Variants in OTUD7A observed in about 807,000 individuals in gnomAD.
OTUD7A encodes OTU deubiquitinase 7A.
A neutral mutation model predicts 65.7 loss-of-function variants in OTUD7A; 12 were observed. That is an observed-to-expected ratio of 0.18 (90% CI 0.12 to 0.30). The LOEUF (loss-of-function observed/expected upper bound fraction) is 0.30, where lower values mean the gene tolerates loss of function less well. Among genes scored for constraint, OTUD7A ranks in the 10% least tolerant of loss-of-function variants. The pLI is 1.00. For missense variants in OTUD7A, 1,148 were observed against 1,304.8 expected (o/e 0.88, Z 1.85); for synonymous variants, 641 against 586.3 (o/e 1.09, Z -1.35).
At chr15:31,644,946 C>A (rs1891618024) in intron 3 of OTUD7A, among the ~76,000 whole-genome samples, 1 of 152,192 alleles carries the variant, frequency 6.6e-6, no homozygotes, top group African/African-American at 2.4e-5. Context: ...GTGGTTCTCT[C>A]CCCAGCTGCA....
chr15:31,811,001 T>G (rs1261885633), intron 1 of OTUD7A, among the ~76,000 whole-genome samples: 3 of 151,984 alleles, frequency 2.0e-5, no homozygotes, highest in African/African-American at 4.8e-5. Context: ...TGTGAAGGAG[T>G]GTGCCTTGCA....
At chr15:31,848,353 G>A (rs375407094) in intron 1 of OTUD7A, among the ~76,000 whole-genome samples, 16 of 152,236 alleles carry the variant, frequency 1.1e-4, no homozygotes, top group South Asian at 4.1e-4. Flanking sequence ...TGAGGGGGAC[G>A]TGCAGACCAG....
intron 1 of OTUD7A, among the ~76,000 whole-genome samples, chr15:31,728,989 G>T (rs997398906): frequency 3.3e-5 from 5 of 152,158 alleles, no homozygotes; most frequent in Non-Finnish European, 4.4e-5. Flanking sequence ...GTCAACCAGG[G>T]TCTGAAAATA....
chr15:31,595,441 G>C (rs917476030), intron 3 of OTUD7A, among the ~76,000 whole-genome samples: 4 of 152,222 alleles, frequency 2.6e-5, no homozygotes, highest in Non-Finnish European at 1.5e-5. Flanking sequence ...ATGGTAGAAT[G>C]AATGCCCAGA....
Position 31,777,229 on chromosome 15 carries a change from C to G in OTUD7A, c.-100+93278G>C, listed in dbSNP as rs138089599. 1.3e-4 allele frequency among the ~76,000 whole-genome samples: 20 copies of G among 152,266 alleles called. No individual in the cohort carries two copies. The East Asian group carries it at 3.7e-3, about 28-fold the overall frequency. On this transcript the variant is annotated intron_variant, in intron 1 of 12. Transcript: ENST00000307050. ...GACAGCCTTTTGGCAAGGGGTCTCT[C>G]TCAGGCCTCTCTTACAAGGGCGCTA...
chr15:31,544,088 T>G (rs1473464079), intron 5 of OTUD7A, among the ~76,000 whole-genome samples: 2 of 151,766 alleles, frequency 1.3e-5, no homozygotes, highest in African/African-American at 4.8e-5. Context: ...CTAAAAATAT[T>G]TAGTAGTTTT....
At chr15:31,847,577 C>T (rs1403916241) in intron 1 of OTUD7A, among the ~76,000 whole-genome samples, 4 of 152,118 alleles carry the variant, frequency 2.6e-5, no homozygotes, top group Non-Finnish European at 4.4e-5. Flanking sequence ...TAAGGGTTTG[C>T]AACACAGGGA....
At chr15:31,735,491 G>A (rs940999936) in intron 1 of OTUD7A, among the ~76,000 whole-genome samples, 3 of 149,296 alleles carry the variant, frequency 2.0e-5, no homozygotes, top group African/African-American at 4.9e-5. Flanking sequence ...TTGAGATTGC[G>A]CCACTGTACT....
Position 31,850,226 on chromosome 15 carries a change from A to G in OTUD7A, c.-100+20281T>C, listed in dbSNP as rs570640732. The stretch of plus-strand genomic sequence containing the variant: ...ACATATACATCATGGAATACTATGC[A>G]GCCATAAAAAAGGATGAGTTCATGT... On this transcript the variant is annotated intron_variant, in intron 1 of 12. Transcript: ENST00000307050. Among the ~76,000 whole-genome samples, 231 of 152,364 alleles carry G rather than the reference A, an allele frequency of 1.5e-3. 1 individual carries two copies. Among genetic ancestry groups the G allele is most frequent in the Middle Eastern group, 6.8e-3 (2 of 294 alleles).
At chr15:31,870,145 T>A (rs943977093) in intron 1 of OTUD7A, among the ~76,000 whole-genome samples, 1 of 149,608 alleles carries the variant, frequency 6.7e-6, no homozygotes, top group Non-Finnish European at 1.5e-5. Flanking sequence ...GCCCCACGCC[T>A]GGCATCACGT....
chr15:31,543,252 T>C (rs949749870), intron 5 of OTUD7A, among the ~76,000 whole-genome samples: 1 of 151,926 alleles, frequency 6.6e-6, no homozygotes, highest in Non-Finnish European at 1.5e-5. Flanking sequence ...ATGTGATTCA[T>C]ACGCATATTT....
chr15:31,589,515 C>T (rs890193403), intron 3 of OTUD7A, among the ~76,000 whole-genome samples: 1 of 143,108 alleles, frequency 7.0e-6, no homozygotes, highest in Non-Finnish European at 1.5e-5. Flanking sequence ...GTTGCCTAGG[C>T]TAGTCTCCAA....
At chr15:31,530,295 C>G (rs1265272636) in intron 6 of OTUD7A, among the ~76,000 whole-genome samples, 2 of 152,242 alleles carry the variant, frequency 1.3e-5, no homozygotes, top group Admixed American at 6.5e-5. Context: ...CCTCCAAACA[C>G]CCTGTCCATT....
chr15:31,616,976 A>G (rs1226732215), intron 3 of OTUD7A, among the ~76,000 whole-genome samples: 1 of 152,222 alleles, frequency 6.6e-6, no homozygotes, highest in Non-Finnish European at 1.5e-5. Flanking sequence ...TACCGATCTC[A>G]AACAGTTTTA....
chr15:31,558,187 T>TTTTGCA (rs1888561059), intron 5 of OTUD7A: 7 of 152,328 alleles, frequency 4.6e-5, no homozygotes, highest in Admixed American at 2.0e-4. Flanking sequence ...AACCCCCAGA[T>TTTTGCA]ATGTGATTTT....
chr15:31,621,142 T>C (rs1371969149), intron 3 of OTUD7A, among the ~76,000 whole-genome samples: 11 of 151,780 alleles, frequency 7.2e-5, no homozygotes, highest in Non-Finnish European at 2.9e-5. Context: ...CAGTTTGCTA[T>C]AATTTCTGTT....
intron 1 of OTUD7A, among the ~76,000 whole-genome samples, chr15:31,751,368 A>G (rs1162671585): frequency 1.3e-5 from 2 of 152,170 alleles, no homozygotes; most frequent in African/African-American, 4.8e-5. Flanking sequence ...ACAAAAAGAC[A>G]CCATCTCATA....
intron 5 of OTUD7A, among the ~76,000 whole-genome samples, chr15:31,552,221 C>A (rs1001369610): frequency 2.0e-5 from 3 of 152,172 alleles, no homozygotes; most frequent in Non-Finnish European, 4.4e-5. Flanking sequence ...CAGATGCTGG[C>A]CCCATGCTTC....
intron 3 of OTUD7A, among the ~76,000 whole-genome samples, chr15:31,580,465 C>T (rs1308177370): frequency 6.6e-6 from 1 of 152,208 alleles, no homozygotes; most frequent in Non-Finnish European, 1.5e-5. Context: ...ACTGCATTTG[C>T]ATTTGCGCAA....
Sources: gnomAD v4.1 joint callset for allele counts (sites outside exome capture counted in the v4.1 genomes callset) on GRCh38, gnomAD v4.1.1 for gene constraint, MANE v1.5 for transcripts, NCBI Gene and HGNC (gene_info 2026-07-23, HGNC 2026-07-21) for gene names.